ZFYVE26: variants seen among roughly 807,000 people sequenced by gnomAD.
The protein encoded by ZFYVE26 is zinc finger FYVE domain-containing protein 26.
ZFYVE26 carries 181 observed loss-of-function variants against 276.5 expected under a neutral mutation model. The ratio of observed to expected loss-of-function variants is 0.65; its 90% confidence interval spans 0.58 to 0.74. The LOEUF is 0.74. Ranked by LOEUF, ZFYVE26 falls within the 30% of genes least tolerant of loss-of-function variation. The probability of loss-of-function intolerance (pLI) is 0.00; values close to 1 mark genes in which losing one functional copy is unlikely to be tolerated. For synonymous variants in ZFYVE26, 1,129 were observed against 1,203.1 expected (o/e 0.94, Z 1.27); for missense variants, 2,821 against 3,097.9 (o/e 0.91, Z 2.12).
chr14:67,787,978 A>G (rs917812453), intron 16 of ZFYVE26, among the ~76,000 whole-genome samples: 7 of 152,188 alleles, frequency 4.6e-5, no homozygotes, highest in Admixed American at 2.0e-4. Flanking sequence ...ACAGTGGCTC[A>G]CTGGCCCTAA....
chr14:67,808,906 A>C (rs1349977610), intron 4 of ZFYVE26, among the ~76,000 whole-genome samples: 1 of 152,242 alleles, frequency 6.6e-6, no homozygotes, highest in Non-Finnish European at 1.5e-5. Context: ...ACCCTGTTAT[A>C]GAAAAGATAG....
chr14:67,751,454 CA>C, intron 40 of ZFYVE26: 1 of 360,586 alleles, frequency 2.8e-6, no homozygotes, highest in East Asian at 6.8e-5. Context: ...CAGCGTAATA[CA>C]CTATAGTCCA....
At chr14:67,806,770 C>T in intron 5 of ZFYVE26, 95 bp from the exon 6 acceptor site, 3 of 1,477,112 alleles carry the variant, frequency 2.0e-6, no homozygotes, top group Non-Finnish European at 2.8e-6. Context: ...AGAGTTTGCT[C>T]TTTTAAAAAC....
At position 67,783,009 on chromosome 14, in the gene ZFYVE26, C is replaced by T; in HGVS notation, c.4143G>A (p.Leu1381=). 1 of 1,614,228 alleles carries T rather than the reference C, an allele frequency of 6.2e-7. No individual in the cohort carries two copies. The highest frequency in any genetic ancestry group is 8.5e-7 in the Non-Finnish European group (1 of 1,180,046). Residue 1381 remains leucine, a synonymous_variant, in exon 21 of 42, where the codon TTG becomes TTA. Coordinates refer to ENST00000347230, the MANE Select transcript of ZFYVE26 (RefSeq NM_015346.4). ...LAAWEPLRGS[L]QQGQSLAVNL... is the part of the protein sequence containing the mutation. ...TCACTGCCAGACTCTGCCCCTGCTGCAAAGACCCTCGCAGGGGCTCCCAGG... is the reference window on the plus strand; with the variant it reads ...TCACTGCCAGACTCTGCCCCTGCTGTAAAGACCCTCGCAGGGGCTCCCAGG...
In ZFYVE26 at chr14:67,783,341, A is replaced by G. The variant is rs2039558721; in HGVS notation, c.3811T>C (p.Ser1271Pro). Residue 1271 changes from serine (S) to proline (P), a missense_variant, in exon 21 of 42, where the codon TCT becomes CCT. Physicochemically the swap from Ser to Pro is moderately conservative, Grantham distance 74. Transcript: ENST00000347230. The stretch of plus-strand genomic sequence containing the variant: ...GTTGTCCTCGGGGAGCTCGGTGTAG[A>G]AAGTGGGAGGTCATCCAGGCAGTGA... The part of the protein sequence containing the change: ...ASHCLDDLPL[S>P]TPSSPRTTEN... 1 of 1,613,058 alleles carries G rather than the reference A, an allele frequency of 6.2e-7. No homozygotes were observed. The highest frequency in any genetic ancestry group is 8.5e-7 in the Non-Finnish European group (1 of 1,179,138).
At chr14:67,767,879 TG>T (rs1370100759) in intron 30 of ZFYVE26, 39 bp from the exon 31 acceptor site, 2 of 1,613,954 alleles carry the variant, frequency 1.2e-6, no homozygotes, top group Non-Finnish European at 1.7e-6. Context: ...ATTCACTGGC[TG>T]GCAGTTCAGT....
intron 41 of ZFYVE26, 52 bp from the exon 42 acceptor site, chr14:67,748,691 A>G: frequency 6.3e-6 from 10 of 1,595,752 alleles, no homozygotes; most frequent in Non-Finnish European, 8.6e-6. Flanking sequence ...CCGACAAATC[A>G]AGTATACAGA....
rs570107104 is a variant in ZFYVE26, at chr14:67,734,230, G to T, written n.2680-4411C>A. On this transcript the variant is annotated intron_variant and non_coding_transcript_variant, in intron 13 of 14. Transcript: ENST00000394455. ...AGCACCATCACTGCCTATTTCTAGGGGCTATACACTCCAACTCTTGGTTGA... is the reference window on the plus strand; with the variant it reads ...AGCACCATCACTGCCTATTTCTAGGTGCTATACACTCCAACTCTTGGTTGA... 8 of 245,396 alleles carry T rather than the reference G, an allele frequency of 3.3e-5. No individual in the cohort carries two copies. The South Asian group carries it at 4.5e-4, about 14-fold the overall frequency. 15.2% of individuals were successfully genotyped at this position (245,396 alleles called of 1,614,324 possible).
downstream of ZFYVE26, among the ~76,000 whole-genome samples, chr14:67,744,115 C>A (rs2038452578): frequency 2.0e-5 from 3 of 152,176 alleles, no homozygotes; most frequent in South Asian, 6.2e-4. Context: ...CAGGAAAAGG[C>A]CATTTCCTCT....
intron 13 of ZFYVE26, among the ~76,000 whole-genome samples, chr14:67,733,342 A>T: frequency 6.6e-6 from 1 of 152,144 alleles, no homozygotes; most frequent in East Asian, 1.9e-4. Context: ...TCCAACTGAG[A>T]TTTGGCATTT....
chr14:67,811,488 A>T (rs1230235721), intron 3 of ZFYVE26, among the ~76,000 whole-genome samples: 1 of 152,244 alleles, frequency 6.6e-6, no homozygotes, highest in African/African-American at 2.4e-5. Flanking sequence ...GGGCTAAAAA[A>T]GTAGTGTTAA....
exon 14 of ZFYVE26, chr14:67,729,553 T>TA: frequency 1.4e-6 from 1 of 694,146 alleles, no homozygotes; most frequent in Non-Finnish European, 2.6e-6. Context: ...AGTACAAACT[T>TA]ATGTGTTGGG....
At chr14:67,793,221 C>G (rs1440564876) in intron 14 of ZFYVE26, among the ~76,000 whole-genome samples, 2 of 152,156 alleles carry the variant, frequency 1.3e-5, no homozygotes, top group African/African-American at 2.4e-5. Context: ...CGTGCCACAG[C>G]ACTCCAGCCT....
intron 13 of ZFYVE26, among the ~76,000 whole-genome samples, chr14:67,737,088 C>CTTTTT (rs71129855): frequency 7.3e-4 from 76 of 104,694 alleles, no homozygotes; most frequent in African/African-American, 1.3e-3. Context: ...TTTTTCTTTT[C>CTTTTT]TTTTTTTTTT....
intron 16 of ZFYVE26, among the ~76,000 whole-genome samples, chr14:67,787,831 G>T (rs1255649765): frequency 1.3e-5 from 2 of 152,176 alleles, no homozygotes; most frequent in African/African-American, 4.8e-5. Context: ...ATTTGGAGGG[G>T]TGTATAGAAA....
At chr14:67,753,974 A>G in intron 38 of ZFYVE26, 97 bp downstream of exon 38, 1 of 1,599,396 alleles carries the variant, frequency 6.3e-7, no homozygotes. Flanking sequence ...GGCAGCCATC[A>G]AACAAACAAC....
intron 10 of ZFYVE26, 81 bp downstream of exon 10, chr14:67,801,998 G>T: frequency 6.7e-7 from 1 of 1,502,692 alleles, no homozygotes; most frequent in Non-Finnish European, 9.2e-7. Flanking sequence ...CCCAATCTTG[G>T]TGGAAGAGGG....
chr14:67,797,517 A>G (rs1418350604), intron 12 of ZFYVE26, 155 bp downstream of exon 12: 3 of 805,732 alleles, frequency 3.7e-6, no homozygotes, highest in Non-Finnish European at 6.3e-6. Flanking sequence ...AAGGATACAT[A>G]GGAAACTATT....
Position 67,798,204 on chromosome 14 carries a change from C to T in ZFYVE26, c.2058G>A (p.Gly686=). 3 of 1,614,148 alleles carry T rather than the reference C, an allele frequency of 1.9e-6. No individual in the cohort carries two copies. The highest frequency in any genetic ancestry group is 2.5e-6 in the Non-Finnish European group (3 of 1,180,022). The stretch of plus-strand genomic sequence containing the variant: ...GCTCTTGGAGAAGCCTGAGGAAGGC[C>T]CCTATTGCAAATTCATCAGCCAGAA... ...SGFLADEFAI[G]AFLRLLQEQL... is the part of the protein sequence containing the mutation. Residue 686 remains glycine, a synonymous_variant, in exon 11 of 42, where the codon GGG becomes GGA. Transcript: ENST00000347230.
Sources: gnomAD v4.1 joint callset for allele counts (sites outside exome capture counted in the v4.1 genomes callset) on GRCh38, gnomAD v4.1.1 for gene constraint, MANE v1.5 for transcripts, NCBI Gene and HGNC (gene_info 2026-07-23, HGNC 2026-07-21) for gene names.